Variants in CFAP65 observed in about 807,000 individuals in gnomAD.
The protein encoded by CFAP65 is cilia and flagella associated protein 65, also known as cilia- and flagella-associated protein 65.
A neutral mutation model predicts 208.0 loss-of-function variants in CFAP65; 155 were observed. The observed-to-expected ratio is 0.75, with a 90% CI of 0.65 to 0.85. CFAP65 has a LOEUF of 0.85. Ranked by LOEUF, CFAP65 falls within the 40% of genes least tolerant of loss-of-function variation. The probability of loss-of-function intolerance (pLI) is 0.00; values close to 1 mark genes in which losing one functional copy is unlikely to be tolerated. For synonymous variants in CFAP65, 970 were observed against 986.3 expected (o/e 0.98, Z 0.31); for missense variants, 2,294 against 2,451.3 (o/e 0.94, Z 1.36).
chr2:219,029,482 C>A lies in CFAP65; in HGVS notation c.1571G>T (p.Arg524Leu). 1 of 1,614,072 alleles carries A rather than the reference C, an allele frequency of 6.2e-7. No homozygotes were observed. Among genetic ancestry groups the A allele is most frequent in the Non-Finnish European group, 8.5e-7 (1 of 1,179,986 alleles). Residue 524 changes from arginine (R) to leucine (L), a missense_variant, in exon 11 of 35, where the codon CGT becomes CTT. Physicochemically the swap from Arg to Leu is moderately radical, Grantham distance 102. Coordinates refer to ENST00000341552, the MANE Select transcript of CFAP65 (RefSeq NM_194302.4). ...CTGGAAGGCACAGTGCAGGGTCATACGGGCCTTGCCCACCAGCGTCCCAAA... is the reference window on the plus strand; with the variant it reads ...CTGGAAGGCACAGTGCAGGGTCATAAGGGCCTTGCCCACCAGCGTCCCAAA... ...PAFGTLVGKA[R>L]MTLHCAFQPT...
In CFAP65 at chr2:219,004,186, T is replaced by C; in HGVS notation, c.5321A>G (p.Glu1774Gly). The C allele has an allele frequency of 6.2e-7, 1 of 1,613,090 alleles. No individual in the cohort carries two copies. The highest frequency in any genetic ancestry group is 1.3e-5 in the African/African-American group (1 of 74,966). The change falls in exon 33 of 35, where the codon GAG becomes GGG. Residue 1774 changes from glutamate to glycine, a missense_variant. Physicochemically the swap from Glu to Gly is moderately conservative, Grantham distance 98. This residue lies in a region of CFAP65 where 1,427 missense variants were observed against 1,438.7 expected (regional missense o/e 0.99). Transcript: ENST00000341552. This position sits in a 1 kb window ranked among gnomAD's most constrained non-coding sequence, Gnocchi z 4.7. ...TTCTTCCTCCTCTTCCTCCTCCAAC[T>C]CTTCTTCTTCCTCTTCACCCTTCTC... The part of the protein sequence containing the change: ...EEEKGEEEEE[E>G]LEEEEEEEEE...
chr2:219,005,582 C>A lies in CFAP65; in HGVS notation c.4923-20G>T. On this transcript the variant is annotated intron_variant, in intron 31 of 34. Transcript: ENST00000341552. ...AGCTCCCTGTGGCAGCCATGACATT[C>A]TGAGTGGCCTGGGCAAGCCACCATG... 1 of 1,610,504 alleles carries A rather than the reference C, an allele frequency of 6.2e-7. No individual in the cohort carries two copies. The highest frequency in any genetic ancestry group is 8.5e-7 in the Non-Finnish European group (1 of 1,179,230).
At position 219,013,340 on chromosome 2, in the gene CFAP65, C is replaced by T. The variant is rs755517872; in HGVS notation, c.3876G>A (p.Pro1292=). The T allele has an allele frequency of 2.9e-5, 46 of 1,613,672 alleles. No individual in the cohort carries two copies. The highest frequency in any genetic ancestry group is 1.1e-4 in the African/African-American group (8 of 74,898). The change falls in exon 24 of 35, where the codon CCG becomes CCA. Residue 1292 remains proline, a synonymous_variant. Transcript: ENST00000341552. ...AGGTGAAGTGCACATACTTCTGCTC[C>T]GGCTTCACTGTCACACCTATGAAAT... ...LLNFIGVTVK[P]EQKYVHFTST... is the part of the protein sequence containing the mutation.
chr2:219,035,243 C>A, intron 5 of CFAP65: 2 of 1,371,884 alleles, frequency 1.5e-6, no homozygotes, highest in Middle Eastern at 1.9e-4. Context: ...ACAGCCCAAA[C>A]TTCCTTCATT....
rs575606137 is a variant in CFAP65 at position 219,029,645 on chromosome 2, A to C, written c.1408T>G (p.Tyr470Asp). Reference sequence around the variant, plus strand: ...TTGACCCAGCTGAAGTTGACACAGTAGTGCTGCAGGGACACAGCAGGGCCT... The same window carrying C: ...TTGACCCAGCTGAAGTTGACACAGTCGTGCTGCAGGGACACAGCAGGGCCT... ...CRGPAVSLQHYCVNFSWVNLG... is the reference protein window; with the variant it reads ...CRGPAVSLQHDCVNFSWVNLG... Residue 470 changes from tyrosine (Y) to aspartate (D), a missense_variant, in exon 11 of 35, where the codon TAC becomes GAC. Coordinates refer to ENST00000341552, the MANE Select transcript of CFAP65 (RefSeq NM_194302.4). 18 of 1,614,132 alleles carry C rather than the reference A, an allele frequency of 1.1e-5. No individual in the cohort carries two copies. The African/African-American group carries it at 2.1e-4, about 19-fold the overall frequency.
chr2:219,026,038 G>C lies in CFAP65; in HGVS notation c.2333C>G (p.Ser778Cys). The C allele has an allele frequency of 6.2e-7, 1 of 1,614,096 alleles. No homozygotes were observed. The highest frequency in any genetic ancestry group is 8.5e-7 in the Non-Finnish European group (1 of 1,179,990). Reference protein sequence around the residue: ...AGFEHHIPQYSLDVPKLFPAV... With the variant: ...AGFEHHIPQYCLDVPKLFPAV... ...CACGCTTACCTTGGGGACATCTAGG[G>C]AATACTGGGGGATGTGGTGCTCAAA... Residue 778 changes from serine (S) to cysteine (C), a missense_variant, in exon 14 of 35, where the codon TCC (serine) becomes TGC (cysteine). Ser to Cys is a moderately radical substitution (Grantham distance 112, BLOSUM62 -1). This residue lies in a region of CFAP65 where 1,427 missense variants were observed against 1,438.7 expected (regional missense o/e 0.99). Coordinates refer to ENST00000341552, the MANE Select transcript of CFAP65 (RefSeq NM_194302.4).
At chr2:219,020,638 C>T (rs1178371952) in intron 19 of CFAP65, among the ~76,000 whole-genome samples, 1 of 152,200 alleles carries the variant, frequency 6.6e-6, no homozygotes, top group African/African-American at 2.4e-5. Context: ...CCTCAGCTTC[C>T]CAAAGTGCTG....
rs1480629207 is a variant in CFAP65, at chr2:219,003,827, T to C, written c.5555+125A>G. ...GAGGCCTTAAGCTACCAACATGACC[T>C]CACTAAGCACTGAATTAGGATGAGA... On this transcript the variant is annotated intron_variant, in intron 33 of 34. Coordinates refer to ENST00000341552, the MANE Select transcript of CFAP65 (RefSeq NM_194302.4). This position sits in a 1 kb window ranked among gnomAD's most constrained non-coding sequence, Gnocchi z 4.4. 2.5e-6 allele frequency: 3 copies of C among 1,183,170 alleles called. No individual in the cohort carries two copies. Among genetic ancestry groups the C allele is most frequent in the South Asian group, 2.9e-5 (2 of 67,900 alleles). The allele number at this position is 1,183,170 out of a possible 1,614,324, so 73.3% of individuals were successfully genotyped here.
chr2:219,034,226 G>T (rs999492446), intron 5 of CFAP65: 31 of 152,124 alleles, frequency 2.0e-4, no homozygotes, highest in African/African-American at 7.2e-4. Flanking sequence ...AAAATCTCAA[G>T]AAGTGTTTTA....
chr2:219,025,234 G>A (rs1035621525), intron 14 of CFAP65, among the ~76,000 whole-genome samples: 2 of 152,180 alleles, frequency 1.3e-5, no homozygotes, highest in African/African-American at 2.4e-5. Flanking sequence ...GAAGGGGGCC[G>A]AGGGAGACAT....
intron 14 of CFAP65, among the ~76,000 whole-genome samples, chr2:219,024,653 CG>C (rs1272067360): frequency 6.6e-6 from 1 of 152,162 alleles, no homozygotes; most frequent in Non-Finnish European, 1.5e-5. Flanking sequence ...GTAACCACTT[CG>C]GGCTGGGTGT....
Position 219,004,930 on chromosome 2 carries a change from CTCT to C in CFAP65, c.5052-478_5052-476del, listed in dbSNP as rs1243060724. ...CTCTTTCTTTCTCTCTCTTTCTCTC[CTCT>C]TTTTTCTTTCTTTCTTTCTTTCTTT... On this transcript the variant is annotated intron_variant, in intron 32 of 34. Transcript: ENST00000341552. The surrounding 1 kb of genome is among the most constrained non-coding windows in gnomAD (Gnocchi z 4.7). Among the ~76,000 whole-genome samples, 9 of 143,404 alleles carry C rather than the reference CTCT, an allele frequency of 6.3e-5. No individual in the cohort carries two copies. The highest frequency in any genetic ancestry group is 2.6e-4 in the African/African-American group (9 of 34,506). 94.1% of individuals were successfully genotyped at this position (143,404 alleles called of 152,430 possible).
At chr2:219,019,220 G>T in intron 20 of CFAP65, 41 bp from the exon 21 acceptor site, 1 of 1,577,840 alleles carries the variant, frequency 6.3e-7, no homozygotes, top group African/African-American at 1.3e-5. Flanking sequence ...TGGGGATGGG[G>T]CCAGGGCAGG....
intron 14 of CFAP65, among the ~76,000 whole-genome samples, chr2:219,025,802 G>C (rs748305687): frequency 6.6e-5 from 10 of 152,186 alleles, no homozygotes; most frequent in Non-Finnish European, 1.3e-4. Flanking sequence ...GGGGCCAGCT[G>C]TCCAGGATCC....
chr2:219,030,012 AG>A lies in CFAP65; in HGVS notation c.1357del (p.Leu453CysfsTer73). The A allele has an allele frequency of 1.2e-6, 2 of 1,613,938 alleles. No homozygotes were observed. Among genetic ancestry groups the A allele is most frequent in the Non-Finnish European group, 1.7e-6 (2 of 1,179,976 alleles). ...TCTACAGAAACCAACGACTTTAAGC[AG>A]GGTCTTGGAGGCACAGCCAGAAGGC... ...IMPSGCASKT[L>X]LKVVGFCRGP... is the part of the protein sequence containing the mutation. On this transcript the variant is annotated frameshift_variant, in exon 10 of 35. Transcript: ENST00000341552. LOFTEE classifies it high-confidence loss of function.
In CFAP65 at chr2:219,031,386, C is replaced by T. The variant is rs1948018161; in HGVS notation, c.816-81G>A. 6.2e-7 allele frequency: 1 copy of T among 1,604,826 alleles called. No homozygotes were observed. Among genetic ancestry groups the T allele is most frequent in the South Asian group, 1.1e-5 (1 of 90,038 alleles). On this transcript the variant is annotated intron_variant, in intron 7 of 34. Transcript: ENST00000341552. This position sits in a 1 kb window ranked among gnomAD's most constrained non-coding sequence, Gnocchi z 5.2. ...GCAAGTCAGGGATGCTGGGCAGAAC[C>T]TCAGACTACCCTACCCCGACAAGGG...
At chr2:219,029,239 C>T (rs2106219039) in intron 11 of CFAP65, among the ~76,000 whole-genome samples, 164 bp downstream of exon 11, 1 of 152,316 alleles carries the variant, frequency 6.6e-6, no homozygotes, top group Admixed American at 6.5e-5. Flanking sequence ...CCAGGCTGCA[C>T]ACTGGCTCCA....
chr2:219,021,979 C>T, intron 17 of CFAP65, 49 bp from the exon 18 acceptor site: 3 of 1,605,596 alleles, frequency 1.9e-6, no homozygotes, highest in Admixed American at 1.7e-5. Context: ...TCCAGGCCCA[C>T]AGCCCCACTC....
chr2:219,023,134 G>C, intron 16 of CFAP65, 73 bp downstream of exon 16: 1 of 1,320,206 alleles, frequency 7.6e-7, no homozygotes, highest in Non-Finnish European at 1.1e-6. Flanking sequence ...GGCAAGTCTG[G>C]GCTATGATAG....
Sources: gnomAD v4.1 joint callset for allele counts (sites outside exome capture counted in the v4.1 genomes callset) on GRCh38, gnomAD v4.1.1 for gene constraint, gnomAD v4.1.1 regional missense constraint, Gnocchi (gnomAD v3.1) non-coding constraint, MANE v1.5 for transcripts, NCBI Gene and HGNC (gene_info 2026-07-23, HGNC 2026-07-21) for gene names.